The following CYP4A11 variants were observed in gnomAD, a reference collection of about 807,000 sequenced individuals.
CYP4A11 encodes cytochrome P450 4A11.
In CYP4A11, 52 loss-of-function variants were observed where a neutral mutation model predicts 57.7. The observed-to-expected ratio is 0.90, with a 90% CI of 0.72 to 1.14. CYP4A11 has a LOEUF of 1.14. Among genes scored for constraint, CYP4A11 ranks in the 50% most tolerant of loss-of-function variants. The pLI is 0.00. For synonymous variants in CYP4A11, 228 were observed against 247.1 expected, an observed-to-expected ratio of 0.92 and a Z score of 0.72; for missense variants, 641 against 642.1, an observed-to-expected ratio of 1.00 and a Z score of 0.02.
intron 11 of CYP4A11, chr1:46,932,218 G>A (rs1334386482): frequency 1.0e-6 from 1 of 993,486 alleles, no homozygotes; most frequent in African/African-American, 1.7e-5. Flanking sequence ...TCTTCAAAGG[G>A]CTACCTTAAC....
At chr1:46,940,362 C>A (rs1462563361) in intron 1 of CYP4A11, among the ~76,000 whole-genome samples, 1 of 152,210 alleles carries the variant, frequency 6.6e-6, no homozygotes, top group Non-Finnish European at 1.5e-5. Context: ...CCATCCTGAG[C>A]TACATGCAGC....
At chr1:46,940,867 CAG>C in intron 1 of CYP4A11, 2 of 985,356 alleles carry the variant, frequency 2.0e-6, no homozygotes, top group Non-Finnish European at 2.4e-6. Context: ...CAGGGCCAGG[CAG>C]AGTGATGGCA....
chr1:46,937,106 TAGA>T (rs1681455500), intron 3 of CYP4A11, among the ~76,000 whole-genome samples, 193 bp downstream of exon 3: 1 of 151,942 alleles, frequency 6.6e-6, no homozygotes, highest in South Asian at 2.1e-4. Flanking sequence ...AGACATGAAA[TAGA>T]AGAAGCTGAG....
In CYP4A11 at chr1:46,936,616, G is replaced by A. The variant is rs769407468; in HGVS notation, c.510+48C>T. On this transcript the variant is annotated intron_variant, in intron 4 of 11. Transcript: ENST00000310638. ...AGGGTTGAGAGTGGAGTTGGTGAGAGTGTGTGCTGTGAGTGGGTGTGGGGA... is the reference window on the plus strand; with the variant it reads ...AGGGTTGAGAGTGGAGTTGGTGAGAATGTGTGCTGTGAGTGGGTGTGGGGA... 3.3e-6 allele frequency: 5 copies of A among 1,534,636 alleles called. No individual in the cohort carries two copies. In the East Asian group the frequency reaches 7.0e-5, roughly 22 times the overall value.
At position 46,935,121 on chromosome 1, in the gene CYP4A11, G is replaced by GTCAC. The variant is rs757542967; in HGVS notation, c.665_668dup (p.Asp223GlufsTer2). 3 of 1,614,034 alleles carry GTCAC rather than the reference G, an allele frequency of 1.9e-6. No homozygotes were observed. The African/African-American group carries it at 4.0e-5, about 22-fold the overall frequency. The stretch of plus-strand genomic sequence containing the variant: ...CACGGGAAAAAACCAGGTTGTTCAG[G>GTCAC]TCACTAATGGCCTGTATGTAGGACT... On this transcript the variant is annotated stop_gained and frameshift_variant, in exon 6 of 12. Coordinates refer to ENST00000310638, the MANE Select transcript of CYP4A11 (RefSeq NM_000778.4). LOFTEE classifies it high-confidence loss of function.
At chr1:46,936,548 G>A (rs1258758481) in intron 4 of CYP4A11, 116 bp downstream of exon 4, 2 of 1,427,928 alleles carry the variant, frequency 1.4e-6, no homozygotes, top group South Asian at 1.7e-5. Flanking sequence ...TGACCTGAGA[G>A]TGTTGTTCCA....
chr1:46,933,957 G>A lies in CYP4A11; in HGVS notation c.1211C>T (p.Ser404Phe), dbSNP rs150346297. The change falls in exon 9 of 12, where the codon TCC (serine) becomes TTC (phenylalanine). Residue 404 changes from serine to phenylalanine, a missense_variant. Ser to Phe is a radical substitution (Grantham distance 155). Transcript: ENST00000310638. ...GGGGAACTTCATACCTTTGGGCAAG[G>A]AGCGCCCATCAGGGAAGGTGACGGG... is the stretch of plus-strand genomic sequence containing the variant. Reference protein sequence around the residue: ...STPVTFPDGRSLPKGIMVLLS... With the variant: ...STPVTFPDGRFLPKGIMVLLS... The A allele has an allele frequency of 5.6e-5, 90 of 1,614,130 alleles. 1 individual carries two copies. In the Admixed American group the frequency reaches 7.5e-4, roughly 13 times the overall value.
chr1:46,935,258 C>A (rs1681312640), intron 5 of CYP4A11, 104 bp from the exon 6 acceptor site: 2 of 1,378,876 alleles, frequency 1.5e-6, no homozygotes, highest in Admixed American at 4.3e-5. Context: ...GGACAAGCAG[C>A]CTTGAGGCAA....
Position 46,931,600 on chromosome 1 carries a change from A to T in CYP4A11, c.1364+1161T>A, listed in dbSNP as rs1232695821. On this transcript the variant is annotated intron_variant, in intron 11 of 11. Coordinates refer to ENST00000310638, the MANE Select transcript of CYP4A11 (RefSeq NM_000778.4). ...GAGTAAATATTAATTCTGAGCTAGAAATGGACCTTAGGAATGCTCTCCAGT... is the reference window on the plus strand; with the variant it reads ...GAGTAAATATTAATTCTGAGCTAGATATGGACCTTAGGAATGCTCTCCAGT... 17 of 703,928 alleles carry T rather than the reference A, an allele frequency of 2.4e-5. No homozygotes were observed. The East Asian group carries it at 1.7e-3, about 72-fold the overall frequency. 43.6% of individuals were successfully genotyped at this position (703,928 alleles called of 1,614,324 possible). A position where few individuals can be genotyped will look rare whatever the true frequency, so the allele number is the denominator to read the frequency against.
chr1:46,938,328 C>T (rs1681547248), intron 1 of CYP4A11, among the ~76,000 whole-genome samples, 191 bp from the exon 2 acceptor site: 1 of 152,198 alleles, frequency 6.6e-6, no homozygotes. Flanking sequence ...GCTATGAGCC[C>T]TCGCTCAATG....
intron 3 of CYP4A11, among the ~76,000 whole-genome samples, chr1:46,937,086 G>A (rs765646610): frequency 2.0e-5 from 3 of 152,218 alleles, no homozygotes; most frequent in Admixed American, 1.3e-4. Flanking sequence ...AGGATGTCTG[G>A]AGAGAACTGA....
Position 46,935,101 on chromosome 1 carries a change from G to GA in CYP4A11, c.688dup (p.Ser230PhefsTer11). On this transcript the variant is annotated frameshift_variant, in exon 6 of 12. Transcript: ENST00000310638. LOFTEE classifies it high-confidence loss of function. ...CTGGTGAAAGGCATTCCTCACACGG[G>GA]AAAAAACCAGGTTGTTCAGGTCACT... 1.2e-6 allele frequency: 2 copies of GA among 1,614,152 alleles called. No individual in the cohort carries two copies. Among genetic ancestry groups the GA allele is most frequent in the South Asian group, 1.1e-5 (1 of 91,082 alleles).
In CYP4A11 at chr1:46,941,271, G is replaced by C. The variant is rs375391044; in HGVS notation, c.163C>G (p.Pro55Ala). 1 of 1,614,034 alleles carries C rather than the reference G, an allele frequency of 6.2e-7. No homozygotes were observed. The highest frequency in any genetic ancestry group is 2.2e-5 in the East Asian group (1 of 44,836). ...LKALQQFPCP[P>A]SHWLFGHIQE... ...ATGTGCCCGAAGAGCCAGTGGGAGGGAGGGCACGGGAACTGCTGGAGGGCT... is the reference window on the plus strand; with the variant it reads ...ATGTGCCCGAAGAGCCAGTGGGAGGCAGGGCACGGGAACTGCTGGAGGGCT... Residue 55 changes from proline (P) to alanine (A), a missense_variant, in exon 1 of 12, where the codon CCC (proline) becomes GCC (alanine). By Grantham distance (27) the Pro-to-Ala change is conservative (BLOSUM62 -1). Coordinates refer to ENST00000310638, the MANE Select transcript of CYP4A11 (RefSeq NM_000778.4).
rs1681089836 is a variant in CYP4A11, at chr1:46,932,600, C to T, written c.1364+161G>A. ...CTCTGAATGCCACCTTCCTTTTGTA[C>T]ACAGAGACGCCCACACCAGGTGCCT... On this transcript the variant is annotated intron_variant, in intron 11 of 11. Coordinates refer to ENST00000310638, the MANE Select transcript of CYP4A11 (RefSeq NM_000778.4). 1.3e-5 allele frequency: 20 copies of T among 1,531,914 alleles called. No individual in the cohort carries two copies. In the South Asian group the frequency reaches 2.5e-4, roughly 19 times the overall value. 94.9% of individuals were successfully genotyped at this position (1,531,914 alleles called of 1,614,324 possible).
At chr1:46,937,211 T>C in intron 3 of CYP4A11, 91 bp downstream of exon 3, 1 of 1,431,358 alleles carries the variant, frequency 7.0e-7, no homozygotes, top group South Asian at 1.2e-5. Flanking sequence ...GTCATGATAG[T>C]GGTGGCCTCT....
At chr1:46,939,219 A>G (rs1351453830) in intron 1 of CYP4A11, among the ~76,000 whole-genome samples, 4 of 152,250 alleles carry the variant, frequency 2.6e-5, no homozygotes, top group African/African-American at 4.8e-5. Flanking sequence ...TCCTTCTGAT[A>G]ATCATATTGT....
Position 46,932,758 on chromosome 1 carries a change from C to A in CYP4A11, c.1364+3G>T, listed in dbSNP as rs761554140. 6.2e-7 allele frequency: 1 copy of A among 1,614,192 alleles called. No homozygotes were observed. Among genetic ancestry groups the A allele is most frequent in the South Asian group, 1.1e-5 (1 of 91,078 alleles). The stretch of plus-strand genomic sequence containing the variant: ...ATTCGAATTACCACACAGGACGTCT[C>A]ACCTTGATCCTCCTGAGAAGGGCAG... On this transcript the variant is annotated splice_donor_region_variant and intron_variant, in intron 11 of 11. Coordinates refer to ENST00000310638, the MANE Select transcript of CYP4A11 (RefSeq NM_000778.4).
In CYP4A11 at chr1:46,941,281, G is replaced by T. The variant is rs1216586800; in HGVS notation, c.153C>A (p.Phe51Leu). The T allele has an allele frequency of 6.2e-7, 1 of 1,614,008 alleles. No homozygotes were observed. Among genetic ancestry groups the T allele is most frequent in the Non-Finnish European group, 8.5e-7 (1 of 1,180,004 alleles). The change falls in exon 1 of 12, where the codon TTC becomes TTA. Residue 51 changes from phenylalanine to leucine, a missense_variant. By Grantham distance (22) the Phe-to-Leu change is conservative. Coordinates refer to ENST00000310638, the MANE Select transcript of CYP4A11 (RefSeq NM_000778.4). ...RQWLLKALQQ[F>L]PCPPSHWLFG... ...AGAGCCAGTGGGAGGGAGGGCACGGGAACTGCTGGAGGGCTTTGAGCAGCC... is the reference window on the plus strand; with the variant it reads ...AGAGCCAGTGGGAGGGAGGGCACGGTAACTGCTGGAGGGCTTTGAGCAGCC...
rs1681423869 is a variant in CYP4A11, at chr1:46,936,769, A to G, written c.405T>C (p.Asn135=). 6.2e-7 allele frequency: 1 copy of G among 1,613,472 alleles called. No individual in the cohort carries two copies. The highest frequency in any genetic ancestry group is 1.7e-4 in the Middle Eastern group (1 of 6,060). The change falls in exon 4 of 12, where the codon AAT becomes AAC. Residue 135 remains asparagine (N), a synonymous_variant. Transcript: ENST00000310638. ...GTCGATGCTGGAACCATGTCTGCCC[A>G]TTCAACAGGAGCAAGCCGTACCCTA... ...PWIGYGLLLL[N]GQTWFQHRRM...
Sources: gnomAD v4.1 joint callset for allele counts (sites outside exome capture counted in the v4.1 genomes callset) on GRCh38, gnomAD v4.1.1 for gene constraint, MANE v1.5 for transcripts, NCBI Gene and HGNC (gene_info 2026-07-23, HGNC 2026-07-21) for gene names.